Variants in XPO6 observed in about 807,000 individuals in gnomAD.
The protein encoded by XPO6 is exportin-6.
XPO6 carries 3 observed loss-of-function variants against 130.0 expected under a neutral mutation model. The ratio of observed to expected loss-of-function variants is 0.02; its 90% CI spans 0.01 to 0.06. XPO6 has a LOEUF of 0.06. Ranked by LOEUF, XPO6 falls within the 10% of genes least tolerant of loss-of-function variation. The pLI, the probability that XPO6 is intolerant of heterozygous loss-of-function variation, is 1.00. For synonymous variants in XPO6, 524 were observed against 548.9 expected (o/e 0.95, Z 0.63); for missense variants, 970 against 1,393.0 (o/e 0.70, Z 4.83).
In XPO6 at chr16:28,152,735, A is replaced by G; in HGVS notation, c.1148T>C (p.Leu383Pro). The change falls in exon 8 of 24, where the codon CTA (leucine) becomes CCA (proline). Residue 383 changes from leucine (L) to proline (P), a missense_variant. Physicochemically the swap from Leu to Pro is moderately conservative, Grantham distance 98. Around this residue, in one of 4 missense-constraint regions of XPO6, gnomAD observed 936 missense variants for 1,306.8 expected, o/e 0.72. Coordinates refer to ENST00000304658, the MANE Select transcript of XPO6 (RefSeq NM_015171.4). ...CTGGGAGTAAGACTCGATTCTTCTT[A>G]GGTGAACACTCACAAAGAGCCGAAG... ...DFLRLFVSVH[L>P]RRIESYSQFP... 6.2e-7 allele frequency: 1 copy of G among 1,613,870 alleles called. No homozygotes were observed. The highest frequency in any genetic ancestry group is 1.1e-5 in the South Asian group (1 of 91,028).
chr16:28,178,257 G>A (rs1162388289), intron 2 of XPO6, among the ~76,000 whole-genome samples: 3 of 152,044 alleles, frequency 2.0e-5, no homozygotes, highest in Admixed American at 6.6e-5. Context: ...TAAATGCAAC[G>A]ACGCAGTCTC....
intron 6 of XPO6, among the ~76,000 whole-genome samples, chr16:28,162,816 A>G (rs1352457640): frequency 6.6e-6 from 1 of 152,028 alleles, no homozygotes; most frequent in Non-Finnish European, 1.5e-5. Flanking sequence ...TCGGCCCCCC[A>G]AAGTGCTGGG....
At chr16:28,192,185 C>T (rs2043796680) in intron 1 of XPO6, among the ~76,000 whole-genome samples, 1 of 149,414 alleles carries the variant, frequency 6.7e-6, no homozygotes, top group African/African-American at 2.5e-5. Flanking sequence ...ATCACTTGAA[C>T]CCAGGTGGCA....
At chr16:28,176,352 C>T (rs1411352800) in intron 3 of XPO6, among the ~76,000 whole-genome samples, 1 of 152,160 alleles carries the variant, frequency 6.6e-6, no homozygotes, top group Non-Finnish European at 1.5e-5. Context: ...TCTCTAATGG[C>T]CACCAAAATA....
At chr16:28,186,371 A>ATCCTTTTTTTTTTTTTTTTTTTTTTTTTT (rs2043692526) in intron 1 of XPO6, among the ~76,000 whole-genome samples, 1 of 10,136 alleles carries the variant, frequency 9.9e-5, no homozygotes, top group African/African-American at 4.1e-4. Context: ...TGCCCCAGTT[A>ATCCTTTTTTTTTTTTTTTTTTTTTTTTTT]TTCTTTTTTT....
At chr16:28,131,562 G>A (rs1392565256) in intron 12 of XPO6, among the ~76,000 whole-genome samples, 1 of 152,210 alleles carries the variant, frequency 6.6e-6, no homozygotes, top group Non-Finnish European at 1.5e-5. Flanking sequence ...AATGTCAGAT[G>A]TTAGCTATTT....
intron 1 of XPO6, chr16:28,183,306 G>C (rs1228416760): frequency 6.6e-6 from 1 of 151,960 alleles, no homozygotes; most frequent in African/African-American, 2.4e-5. Context: ...GTACTCCTAA[G>C]AATCCCAGAT....
chr16:28,156,122 T>A lies in XPO6; in HGVS notation c.1049A>T (p.Asp350Val). Residue 350 changes from aspartate (D) to valine (V), a missense_variant, in exon 7 of 24, where the codon GAT becomes GTT. Coordinates refer to ENST00000304658, the MANE Select transcript of XPO6 (RefSeq NM_015171.4). The part of the protein sequence containing the change: ...TFYLLQKITK[D>V]NNAHTVKSRL... ...GCTCTTCACTGTGTGGGCATTGTTA[T>A]CCTTGGTGATTTTCTGCAGGAGGTA... is the stretch of plus-strand genomic sequence containing the variant. 1 of 1,613,696 alleles carries A rather than the reference T, an allele frequency of 6.2e-7. No individual in the cohort carries two copies. Among genetic ancestry groups the A allele is most frequent in the African/African-American group, 1.3e-5 (1 of 75,052 alleles).
chr16:28,118,537 T>G (rs776352538), intron 14 of XPO6, among the ~76,000 whole-genome samples: 2 of 152,132 alleles, frequency 1.3e-5, no homozygotes, highest in African/African-American at 2.4e-5. Flanking sequence ...ATTGTCGTAT[T>G]TTTTGTAGAA....
chr16:28,199,474 G>T (rs1480450349), intron 1 of XPO6, among the ~76,000 whole-genome samples: 1 of 151,896 alleles, frequency 6.6e-6, no homozygotes, highest in Non-Finnish European at 1.5e-5. Flanking sequence ...GACAGGTTTC[G>T]CCATGTTGGT....
In XPO6 at chr16:28,131,426, C is replaced by G. The variant is rs114311557; in HGVS notation, c.1606+908G>C. Among the ~76,000 whole-genome samples the G allele has an allele frequency of 9.8e-3, 1,498 of 152,278 alleles. 30 individuals carry two copies. The highest frequency in any genetic ancestry group is 0.034 in the African/African-American group (1,425 of 41,530). On this transcript the variant is annotated intron_variant, in intron 12 of 23. Coordinates refer to ENST00000304658, the MANE Select transcript of XPO6 (RefSeq NM_015171.4). ...CAACACAGGGGCTGCGCACCAGAGCCGGGACAGATCCCATAAGAAGCATGC... is the reference window on the plus strand; with the variant it reads ...CAACACAGGGGCTGCGCACCAGAGCGGGGACAGATCCCATAAGAAGCATGC...
chr16:28,132,198 T>C lies in XPO6; in HGVS notation c.1606+136A>G, dbSNP rs919585128. 2.9e-6 allele frequency: 2 copies of C among 695,364 alleles called. No homozygotes were observed. The highest frequency in any genetic ancestry group is 3.7e-5 in the African/African-American group (2 of 54,178). The allele number at this position is 695,364 out of a possible 1,614,324, so 43.1% of individuals were successfully genotyped here. A position where few individuals can be genotyped will look rare whatever the true frequency, so the allele number is the denominator to read the frequency against. ...TAAGCCTTTAAAAACGTTCCCTGTT[T>C]CGAAGTGGGGAGAGATGCCAGTGGG... On this transcript the variant is annotated intron_variant, in intron 12 of 23. Transcript: ENST00000304658. The surrounding 1 kb of genome is among the most constrained non-coding windows in gnomAD (Gnocchi z 4.0).
In XPO6 at chr16:28,156,584, T is replaced by C. The variant is rs972866654; in HGVS notation, c.644-57A>G. The C allele has an allele frequency of 4.6e-6, 6 of 1,318,260 alleles. No homozygotes were observed. In the African/African-American group the frequency reaches 9.0e-5, roughly 20 times the overall value. 81.7% of individuals were successfully genotyped at this position (1,318,260 alleles called of 1,614,324 possible). ...GCATCAAATCTCTTACAAATGACTT[T>C]AAGTAATTCTCCTTCAAAAAAATAT... On this transcript the variant is annotated intron_variant, in intron 6 of 23. Transcript: ENST00000304658.
chr16:28,118,127 T>C (rs1168609193), intron 14 of XPO6, among the ~76,000 whole-genome samples: 1 of 152,238 alleles, frequency 6.6e-6, no homozygotes, highest in Non-Finnish European at 1.5e-5. Context: ...TGTAATTACC[T>C]TTCGGTAATA....
intron 6 of XPO6, among the ~76,000 whole-genome samples, chr16:28,165,828 G>A (rs1285871841): frequency 6.6e-6 from 1 of 152,218 alleles, no homozygotes; most frequent in East Asian, 1.9e-4. Flanking sequence ...GTAAACAGCA[G>A]CATTTAGAAA....
chr16:28,144,988 C>A (rs994398443), intron 9 of XPO6, among the ~76,000 whole-genome samples: 1 of 152,116 alleles, frequency 6.6e-6, no homozygotes, highest in Non-Finnish European at 1.5e-5. Context: ...ACCACCTAAT[C>A]TGAAATTGCT....
intron 12 of XPO6, 37 bp from the exon 13 acceptor site, chr16:28,125,885 G>A: frequency 6.2e-7 from 1 of 1,601,100 alleles, no homozygotes; most frequent in Non-Finnish European, 8.5e-7. Context: ...TTCACAGGAA[G>A]ACCACGCTTT....
chr16:28,181,154 T>C, intron 1 of XPO6, 123 bp from the exon 2 acceptor site: 1 of 696,204 alleles, frequency 1.4e-6, no homozygotes, highest in East Asian at 2.8e-5. Context: ...GGTTCAACAT[T>C]CTTCAAATGC....
At chr16:28,178,058 T>A (rs969915134) in intron 2 of XPO6, among the ~76,000 whole-genome samples, 36 of 152,156 alleles carry the variant, frequency 2.4e-4, no homozygotes, top group African/African-American at 7.2e-4. Context: ...GCTACCATCA[T>A]GTTTCTGGAC....
Sources: allele counts gnomAD v4.1 joint callset (sites outside exome capture counted in the v4.1 genomes callset), GRCh38; gene constraint gnomAD v4.1.1; regional missense constraint gnomAD v4.1.1; non-coding constraint Gnocchi (gnomAD v3.1); transcripts MANE v1.5; gene names NCBI Gene and HGNC (gene_info 2026-07-23, HGNC 2026-07-21).